Variants in NARS2 observed in about 807,000 individuals in gnomAD.
NARS2 encodes asparaginyl-tRNA synthetase 2, mitochondrial, also known as asparaginyl-tRNA synthetase.
NARS2 carries 60 observed loss-of-function variants against 62.9 expected under a neutral mutation model. The observed-to-expected ratio is 0.95, with a 90% CI of 0.77 to 1.18. The LOEUF is 1.18. Ranked by LOEUF, NARS2 falls within the 50% of genes most tolerant of loss-of-function variation. The pLI is 0.00. For synonymous variants in NARS2, 196 were observed against 200.0 expected (o/e 0.98, Z 0.17); for missense variants, 619 against 576.4 (o/e 1.07, Z -0.76).
chr11:78,489,228 C>A (rs750054057), intron 7 of NARS2, among the ~76,000 whole-genome samples: 6 of 151,852 alleles, frequency 4.0e-5, no homozygotes, highest in Non-Finnish European at 8.8e-5. Context: ...ATAAAGAATT[C>A]TCTAAATTCA....
At chr11:78,466,674 G>A (rs920944865) in intron 10 of NARS2, among the ~76,000 whole-genome samples, 8 of 151,978 alleles carry the variant, frequency 5.3e-5, no homozygotes, top group Non-Finnish European at 1.2e-4. Context: ...GTAGAGATGG[G>A]GTTTCACTAC....
chr11:78,555,920 T>C (rs1856335153), intron 5 of NARS2, among the ~76,000 whole-genome samples: 1 of 152,190 alleles, frequency 6.6e-6, no homozygotes. Flanking sequence ...TTGATGTCTG[T>C]CTTAAATTCA....
intron 1 of NARS2, among the ~76,000 whole-genome samples, chr11:78,572,737 T>C (rs1856975374): frequency 6.6e-6 from 1 of 152,240 alleles, no homozygotes; most frequent in Non-Finnish European, 1.5e-5. Context: ...AATTTAAAAT[T>C]TCTTTTTGTG....
intron 6 of NARS2, among the ~76,000 whole-genome samples, chr11:78,513,413 G>A (rs1364985191): frequency 2.0e-5 from 3 of 150,544 alleles, no homozygotes; most frequent in African/African-American, 7.4e-5. Context: ...ACCCTTGCCA[G>A]CCTCTGGTAA....
chr11:78,449,031 C>T (rs1341860495), intron 11 of NARS2, among the ~76,000 whole-genome samples: 4 of 151,966 alleles, frequency 2.6e-5, no homozygotes, highest in African/African-American at 4.8e-5. Context: ...TGCAACCACA[C>T]TGACTTTTCT....
chr11:78,563,885 GTATTAT>G (rs550249150), intron 4 of NARS2, among the ~76,000 whole-genome samples: 1,516 of 81,960 alleles, frequency 0.018, 57 homozygotes, highest in African/African-American at 0.064. Context: ...CACACACACA[GTATTAT>G]TATTATTATT....
At chr11:78,572,531 G>C (rs1469149139) in intron 1 of NARS2, among the ~76,000 whole-genome samples, 1 of 152,134 alleles carries the variant, frequency 6.6e-6, no homozygotes, top group African/African-American at 2.4e-5. Flanking sequence ...CCTCTGCCTA[G>C]GGAACACATC....
chr11:78,546,904 A>G (rs57207951), intron 5 of NARS2, among the ~76,000 whole-genome samples: 2,936 of 152,350 alleles, frequency 0.019, 88 homozygotes, highest in African/African-American at 0.067. Flanking sequence ...AGCACTTATA[A>G]AAAGTGAAGC....
chr11:78,461,952 T>C (rs1858417394), intron 11 of NARS2, among the ~76,000 whole-genome samples: 1 of 151,984 alleles, frequency 6.6e-6, no homozygotes, highest in Non-Finnish European at 1.5e-5. Context: ...GATTCCGTCT[T>C]TTAAAAAAAA....
intron 6 of NARS2, among the ~76,000 whole-genome samples, chr11:78,495,327 C>T (rs931831015): frequency 2.0e-5 from 3 of 152,096 alleles, no homozygotes; most frequent in African/African-American, 7.2e-5. Flanking sequence ...GCCTCCTCCC[C>T]TGCTCCTCTA....
chr11:78,520,384 T>C (rs1374097928), intron 6 of NARS2, among the ~76,000 whole-genome samples: 2 of 152,154 alleles, frequency 1.3e-5, no homozygotes. Context: ...TACATCTCTA[T>C]ATCCAAATCT....
chr11:78,561,016 G>A (rs1565285194), intron 4 of NARS2, among the ~76,000 whole-genome samples: 1 of 152,106 alleles, frequency 6.6e-6, no homozygotes, highest in Non-Finnish European at 1.5e-5. Flanking sequence ...AAAATTTAAC[G>A]GCTAAACATG....
chr11:78,563,918 T>TTAC (rs373288163), intron 4 of NARS2, among the ~76,000 whole-genome samples: 13,478 of 123,392 alleles, frequency 0.11, 1,185 homozygotes, highest in East Asian at 0.33. Flanking sequence ...ATTATTATTA[T>TTAC]TGAGATGGAA....
At chr11:78,442,720 A>G (rs1330027526) in intron 12 of NARS2, among the ~76,000 whole-genome samples, 1 of 152,018 alleles carries the variant, frequency 6.6e-6, no homozygotes, top group Non-Finnish European at 1.5e-5. Context: ...ATATAAATGT[A>G]TATGTAGGAG....
chr11:78,528,740 T>C, intron 6 of NARS2, 102 bp downstream of exon 6: 1 of 751,286 alleles, frequency 1.3e-6, no homozygotes, highest in South Asian at 1.6e-5. Context: ...AGTGAACTAA[T>C]GATAAAGACT....
intron 13 of NARS2, 58 bp from the exon 14 acceptor site, chr11:78,436,872 A>G (rs1469827500): frequency 4.0e-6 from 6 of 1,516,350 alleles, no homozygotes; most frequent in Non-Finnish European, 5.4e-6. Context: ...AGATGTTATG[A>G]TTAGAATTTA....
At chr11:78,495,202 A>G (rs1025181903) in intron 6 of NARS2, among the ~76,000 whole-genome samples, 3 of 152,116 alleles carry the variant, frequency 2.0e-5, no homozygotes, top group African/African-American at 4.8e-5. Context: ...CCTAATTTCA[A>G]CTCAGTTCTT....
chr11:78,474,974 C>T (rs79739624), intron 9 of NARS2, among the ~76,000 whole-genome samples: 2,599 of 151,956 alleles, frequency 0.017, 73 homozygotes, highest in African/African-American at 0.06. Context: ...ATATACATTA[C>T]AATTAATTAT....
intron 11 of NARS2, among the ~76,000 whole-genome samples, chr11:78,456,325 C>G (rs1017841444): frequency 6.6e-6 from 1 of 152,306 alleles, no homozygotes; most frequent in African/African-American, 2.4e-5. Flanking sequence ...TGTTCCCTAA[C>G]TCTACAATTC....
Sources: gnomAD v4.1 joint callset for allele counts (sites outside exome capture counted in the v4.1 genomes callset) on GRCh38, gnomAD v4.1.1 for gene constraint, MANE v1.5 for transcripts, NCBI Gene and HGNC (gene_info 2026-07-23, HGNC 2026-07-21) for gene names.